The following SOX6 variants were observed in gnomAD, a reference collection of about 807,000 sequenced individuals.
The protein encoded by SOX6 is transcription factor SOX-6.
In SOX6, 11 loss-of-function variants were observed where a neutral mutation model predicts 97.8. The observed-to-expected ratio is 0.11, with a 90% CI of 0.07 to 0.19. The LOEUF (loss-of-function observed/expected upper bound fraction) is 0.19. Ranked by LOEUF, SOX6 falls within the 10% of genes least tolerant of loss-of-function variation. SOX6 has a pLI of 1.00. For missense variants in SOX6, 810 were observed against 1,039.5 expected (o/e 0.78, Z 3.04); for synonymous variants, 360 against 371.4 (o/e 0.97, Z 0.35).
chr11:16,053,423 T>C (rs1847732330), intron 10 of SOX6, among the ~76,000 whole-genome samples: 1 of 152,120 alleles, frequency 6.6e-6, no homozygotes, highest in South Asian at 2.1e-4. Flanking sequence ...TCACAACCAC[T>C]AAAACCACCA....
intron 3 of SOX6, among the ~76,000 whole-genome samples, chr11:16,278,087 A>C (rs145695391): frequency 2.0e-5 from 3 of 152,312 alleles, no homozygotes; most frequent in Admixed American, 2.0e-4. Flanking sequence ...ATCCAGGCAA[A>C]TTTTACCTAA....
chr11:16,349,419 C>G (rs1285108953), intron 1 of SOX6, among the ~76,000 whole-genome samples: 1 of 89,826 alleles, frequency 1.1e-5, no homozygotes, highest in Non-Finnish European at 2.2e-5. Flanking sequence ...GAGTTTGAGA[C>G]CAGCCTGGCC....
chr11:16,530,928 TTATA>T (rs1388417141), intron 4 of SOX6, among the ~76,000 whole-genome samples: 1 of 147,958 alleles, frequency 6.8e-6, no homozygotes, highest in Non-Finnish European at 1.5e-5. Flanking sequence ...TAAACATATT[TTATA>T]TATATATAGA....
At chr11:16,665,274 G>T (rs1847798535) in intron 3 of SOX6, among the ~76,000 whole-genome samples, 1 of 152,060 alleles carries the variant, frequency 6.6e-6, no homozygotes. Flanking sequence ...GTTCTTCAGT[G>T]GTATTTCTGG....
intron 3 of SOX6, among the ~76,000 whole-genome samples, chr11:16,308,141 T>A (rs569793656): frequency 6.6e-6 from 1 of 152,178 alleles, no homozygotes; most frequent in African/African-American, 2.4e-5. Context: ...GATATCAAAA[T>A]TGGATAGAAG....
chr11:16,064,957 A>G (rs1270787068), intron 9 of SOX6, among the ~76,000 whole-genome samples: 4 of 152,074 alleles, frequency 2.6e-5, no homozygotes, highest in Non-Finnish European at 5.9e-5. Flanking sequence ...GATCTGGAAC[A>G]TGACAAAGAT....
At chr11:16,317,656 C>G (rs1855791133) in intron 3 of SOX6, 1 of 152,804 alleles carries the variant, frequency 6.5e-6, no homozygotes, top group African/African-American at 2.4e-5. Context: ...TCCCTAATAT[C>G]AAATCCCAAT....
intron 1 of SOX6, among the ~76,000 whole-genome samples, chr11:16,446,235 G>T (rs1031668819): frequency 6.6e-6 from 1 of 151,798 alleles, no homozygotes; most frequent in South Asian, 2.1e-4. Flanking sequence ...CAAGATGGAG[G>T]AGAGAAGAAA....
In SOX6 at chr11:16,691,203, T is replaced by C. The variant is rs78738158; in HGVS notation, n.429+23627A>G. ...AGAATTGTTTCTGCAAGTTACTTAA[T>C]GTATTAGATAATCAAAGTTCACAAG... On this transcript the variant is annotated intron_variant and non_coding_transcript_variant, in intron 3 of 5. Transcript: ENST00000524520. Among the ~76,000 whole-genome samples, 1,227 of 152,342 alleles carry C rather than the reference T, an allele frequency of 8.1e-3. 20 individuals carry two copies. The highest frequency in any genetic ancestry group is 0.027 in the African/African-American group (1,115 of 41,576).
chr11:16,714,447 C>CT (rs1848203316), intron 3 of SOX6, among the ~76,000 whole-genome samples: 1 of 131,936 alleles, frequency 7.6e-6, no homozygotes, highest in Admixed American at 7.5e-5. Flanking sequence ...TTTTAATTTT[C>CT]TTTCTTTTTT....
chr11:16,420,413 A>T (rs954336697), intron 1 of SOX6, among the ~76,000 whole-genome samples: 6 of 152,168 alleles, frequency 3.9e-5, no homozygotes, highest in African/African-American at 1.4e-4. Context: ...ATAAGTAAAA[A>T]TGTGTATTCC....
At chr11:16,357,790 C>A (rs1830991404), upstream of SOX6, among the ~76,000 whole-genome samples, 1 of 152,076 alleles carries the variant, frequency 6.6e-6, no homozygotes, top group South Asian at 2.1e-4. Flanking sequence ...TTTATTTCAC[C>A]AACGAAATCC....
intron 1 of SOX6, among the ~76,000 whole-genome samples, chr11:16,455,191 G>C (rs758577964): frequency 2.0e-5 from 3 of 151,874 alleles, no homozygotes; most frequent in Non-Finnish European, 1.5e-5. Context: ...AAACAAAATA[G>C]TCTCAATTTG....
chr11:16,589,146 G>C (rs1192138878), intron 4 of SOX6, among the ~76,000 whole-genome samples: 1 of 152,180 alleles, frequency 6.6e-6, no homozygotes, highest in Non-Finnish European at 1.5e-5. Context: ...GAGGGACTAT[G>C]TCCCAGAAGA....
chr11:16,264,560 T>C (rs1406921779), intron 3 of SOX6: 2 of 151,940 alleles, frequency 1.3e-5, no homozygotes, highest in Admixed American at 1.3e-4. Context: ...TTCATATCAC[T>C]GAAGGTGTAT....
In SOX6 at chr11:16,318,735, C is replaced by T. The variant is rs148595291; in HGVS notation, c.238-82G>A. The stretch of plus-strand genomic sequence containing the variant: ...GGAGAAAAAAATCCCAAACTGAGGA[C>T]AGTATATGATGCTTAGTAGGACAAA... On this transcript the variant is annotated intron_variant, in intron 2 of 15. Coordinates refer to ENST00000683767, the MANE Select transcript of SOX6 (RefSeq NM_001367873.1). 883 of 1,093,662 alleles carry T rather than the reference C, an allele frequency of 8.1e-4. 7 individuals carry two copies. The African/African-American group carries it at 0.011, about 14-fold the overall frequency. The allele number at this position is 1,093,662 out of a possible 1,614,324, so 67.7% of individuals were successfully genotyped here.
intron 3 of SOX6, among the ~76,000 whole-genome samples, chr11:16,299,947 TTC>T (rs1183528144): frequency 1.3e-5 from 2 of 152,208 alleles, no homozygotes; most frequent in Non-Finnish European, 2.9e-5. Context: ...ATTGATTGAA[TTC>T]TGTTTCCTTA....
intron 3 of SOX6, among the ~76,000 whole-genome samples, chr11:16,262,195 A>G (rs1302619904): frequency 6.6e-6 from 1 of 152,094 alleles, no homozygotes; most frequent in Non-Finnish European, 1.5e-5. Flanking sequence ...GCTCTATATG[A>G]GCATCAAATG....
chr11:16,268,325 A>G (rs2134224950), intron 3 of SOX6, among the ~76,000 whole-genome samples: 1 of 151,398 alleles, frequency 6.6e-6, no homozygotes, highest in Admixed American at 6.6e-5. Context: ...TTGTCAATAC[A>G]TAACATTAAA....
Sources: allele counts gnomAD v4.1 joint callset (sites outside exome capture counted in the v4.1 genomes callset), GRCh38; gene constraint gnomAD v4.1.1; transcripts MANE v1.5; gene names NCBI Gene and HGNC (gene_info 2026-07-23, HGNC 2026-07-21).